Variants in PCDHA1 observed in about 807,000 individuals in gnomAD.
PCDHA1 encodes the protein protocadherin alpha 1.
PCDHA1 carries 42 observed loss-of-function variants against 61.3 expected under a neutral mutation model. That is an observed-to-expected ratio of 0.69 (90% confidence interval 0.54 to 0.89). The LOEUF (loss-of-function observed/expected upper bound fraction) is 0.89. Among genes scored for constraint, PCDHA1 ranks in the 40% least tolerant of loss-of-function variants. The pLI is 0.00. For synonymous variants in PCDHA1, 610 were observed against 553.8 expected (o/e 1.10, Z -1.43); for missense variants, 1,256 against 1,235.3 (o/e 1.02, Z -0.25).
At chr5:140,966,882 C>A (rs782464160) in intron 1 of PCDHA1, 1 of 1,589,690 alleles carries the variant, frequency 6.3e-7, no homozygotes, top group Non-Finnish European at 8.5e-7. Context: ...CTACCTGGCC[C>A]TGCGGCCTCC....
Position 140,849,788 on chromosome 5 carries a change from C to T in PCDHA1, c.2394+61104C>T, listed in dbSNP as rs2150450289. The T allele has an allele frequency of 2.5e-6, 4 of 1,598,468 alleles. No homozygotes were observed. The South Asian group carries it at 4.4e-5, about 18-fold the overall frequency. ...TGGTGGTTACCGCGCGGGACGGGGGCTCGCCTTCACTGTGGGCCACGGCCA... is the reference window on the plus strand; with the variant it reads ...TGGTGGTTACCGCGCGGGACGGGGGTTCGCCTTCACTGTGGGCCACGGCCA... On this transcript the variant is annotated intron_variant, in intron 1 of 3. Coordinates refer to ENST00000504120, the MANE Select transcript of PCDHA1 (RefSeq NM_018900.4).
chr5:140,926,972 C>T (rs782504064), intron 1 of PCDHA1: 1 of 1,609,464 alleles, frequency 6.2e-7, no homozygotes. Context: ...TACTCAGTGC[C>T]GGAGGAGACG....
At chr5:140,890,066 C>G (rs1217511895) in intron 1 of PCDHA1, among the ~76,000 whole-genome samples, 1 of 152,148 alleles carries the variant, frequency 6.6e-6, no homozygotes, top group Non-Finnish European at 1.5e-5. Context: ...CTTTTACTGG[C>G]TTATGAGAAC....
intron 1 of PCDHA1, chr5:140,848,303 C>T: frequency 2.9e-6 from 2 of 685,962 alleles, no homozygotes; most frequent in Non-Finnish European, 5.0e-6. Context: ...CACGTGATGT[C>T]ACTCTTTGCC....
chr5:140,801,272 G>A, intron 1 of PCDHA1: 3 of 1,613,682 alleles, frequency 1.9e-6, no homozygotes, highest in Non-Finnish European at 2.5e-6. Flanking sequence ...CAGCCTCGGA[G>A]GTGGGGAGCG....
intron 1 of PCDHA1, among the ~76,000 whole-genome samples, chr5:140,942,620 A>C (rs1304224304): frequency 3.5e-5 from 1 of 28,710 alleles, no homozygotes; most frequent in African/African-American, 2.6e-4. Context: ...TGCCAATTGT[A>C]AAAAAAAAAA....
chr5:140,797,008 G>C (rs782153484), intron 1 of PCDHA1: 1 of 1,613,712 alleles, frequency 6.2e-7, no homozygotes, highest in Non-Finnish European at 8.5e-7. Flanking sequence ...CTCGTCGCGG[G>C]CGTGGGTGGG....
At chr5:140,918,573 C>CT (rs1392285106) in intron 1 of PCDHA1, among the ~76,000 whole-genome samples, 1 of 152,154 alleles carries the variant, frequency 6.6e-6, no homozygotes, top group Non-Finnish European at 1.5e-5. Context: ...TATTATGCTG[C>CT]TATTGGCTAT....
At chr5:140,858,255 C>G in intron 1 of PCDHA1, 10 of 1,596,962 alleles carry the variant, frequency 6.3e-6, no homozygotes, top group Middle Eastern at 1.7e-4. Flanking sequence ...GTGAAGCCCA[C>G]GCTGGTGTGC....
intron 1 of PCDHA1, chr5:140,967,958 C>A (rs202159883): frequency 6.2e-7 from 1 of 1,614,182 alleles, no homozygotes; most frequent in Non-Finnish European, 8.5e-7. Context: ...AGGCCCCAAC[C>A]GGAAAGTGAG....
At chr5:140,906,872 C>T (rs1421521976) in intron 1 of PCDHA1, among the ~76,000 whole-genome samples, 4 of 152,230 alleles carry the variant, frequency 2.6e-5, no homozygotes, top group African/African-American at 9.6e-5. Flanking sequence ...CCAGCCAACA[C>T]TGTAACTTCC....
intron 1 of PCDHA1, chr5:140,842,773 G>A: frequency 6.3e-7 from 1 of 1,594,638 alleles, no homozygotes; most frequent in Non-Finnish European, 8.6e-7. Context: ...ACGCGGACGC[G>A]CAGGAGAACG....
intron 1 of PCDHA1, among the ~76,000 whole-genome samples, chr5:140,840,661 C>T (rs1401967763): frequency 6.6e-6 from 1 of 151,916 alleles, no homozygotes; most frequent in East Asian, 1.9e-4. Flanking sequence ...AGAATATGCA[C>T]ATACATTTTT....
chr5:140,998,393 C>A (rs1178528705), intron 3 of PCDHA1, among the ~76,000 whole-genome samples: 12 of 152,288 alleles, frequency 7.9e-5, no homozygotes, highest in African/African-American at 2.4e-4. Flanking sequence ...TTAATGCCAT[C>A]TTTATGCCAA....
Position 140,842,122 on chromosome 5 carries a change from T to A in PCDHA1, c.2394+53438T>A, listed in dbSNP as rs2150329697. On this transcript the variant is annotated intron_variant, in intron 1 of 3. Transcript: ENST00000504120. Reference sequence around the variant, plus strand: ...CAACAGTTATCAAACTGAATGCTTCTGATCCGGATGAAGGAGCCAATGGGG... The same window carrying A: ...CAACAGTTATCAAACTGAATGCTTCAGATCCGGATGAAGGAGCCAATGGGG... 9 of 1,613,784 alleles carry A rather than the reference T, an allele frequency of 5.6e-6. No individual in the cohort carries two copies. In the South Asian group the frequency reaches 8.8e-5, roughly 16 times the overall value.
At chr5:140,964,941 G>A (rs1223587543) in intron 1 of PCDHA1, among the ~76,000 whole-genome samples, 1 of 152,242 alleles carries the variant, frequency 6.6e-6, no homozygotes, top group African/African-American at 2.4e-5. Context: ...AGCATTGATA[G>A]TGAGTGTGCT....
intron 1 of PCDHA1, among the ~76,000 whole-genome samples, chr5:140,941,845 C>T (rs2093180727): frequency 6.6e-6 from 1 of 152,160 alleles, no homozygotes. Context: ...GCTGCCATTA[C>T]CTGATATTCC....
chr5:140,966,903 A>G (rs1554228870), intron 1 of PCDHA1: 2 of 1,599,926 alleles, frequency 1.3e-6, no homozygotes, highest in South Asian at 2.2e-5. Context: ...CAGCTGCGAT[A>G]CTCTGTGCCA....
chr5:140,830,576 T>G, intron 1 of PCDHA1: 3 of 821,498 alleles, frequency 3.7e-6, no homozygotes, highest in Non-Finnish European at 5.1e-6. Flanking sequence ...TGTTTTTAAT[T>G]TTTAATTAAT....
Sources: gnomAD v4.1 joint callset for allele counts (sites outside exome capture counted in the v4.1 genomes callset) on GRCh38, gnomAD v4.1.1 for gene constraint, MANE v1.5 for transcripts, NCBI Gene and HGNC (gene_info 2026-07-23, HGNC 2026-07-21) for gene names.